The following OLFML2B variants were observed in gnomAD, a reference collection of about 807,000 sequenced individuals.
OLFML2B encodes the protein olfactomedin-like protein 2B.
OLFML2B carries 57 observed loss-of-function variants against 74.9 expected under a neutral mutation model. The ratio of observed to expected loss-of-function variants is 0.76; its 90% CI spans 0.61 to 0.95. The LOEUF is 0.95. Among genes scored for constraint, OLFML2B ranks in the 40% least tolerant of loss-of-function variants. The pLI is 0.00. For synonymous variants in OLFML2B, 388 were observed against 405.8 expected (o/e 0.96, Z 0.53); for missense variants, 986 against 970.6 (o/e 1.02, Z -0.21).
rs759517778 is a variant in OLFML2B at position 162,023,336 on chromosome 1, G to A, written c.95C>T (p.Pro32Leu). Residue 32 changes from proline to leucine, a missense_variant, in exon 1 of 8, where the codon CCA becomes CTA. Transcript: ENST00000294794. ...SIVLTGTSEP[P>L]DAQTVAPAED... ...CGCAGGCGCCACTGTCTGCGCATCT[G>A]GGGGCTCGCTTGTCCCTGTGAGGAC... The A allele has an allele frequency of 8.1e-6, 13 of 1,607,128 alleles. No individual in the cohort carries two copies. Among genetic ancestry groups the A allele is most frequent in the South Asian group, 6.6e-5 (6 of 90,510 alleles).
chr1:162,020,291 TC>T (rs1690665995), intron 1 of OLFML2B, 109 bp from the exon 2 acceptor site: 1 of 1,320,132 alleles, frequency 7.6e-7, no homozygotes, highest in East Asian at 2.4e-5. Flanking sequence ...GTCAGAGACC[TC>T]AGAAAACTCT....
chr1:161,983,991 A>G lies in OLFML2B; in HGVS notation c.1937T>C (p.Ile646Thr). ...CGCGGCATTGAGCTTGCTCAGGACA[A>G]TGACCTCCTGGCTGAAGCCCTCATC... ...LDDEGFSQEV[I>T]VLSKLNAADL... The change falls in exon 8 of 8, where the codon ATT becomes ACT. Residue 646 changes from isoleucine to threonine, a missense_variant. Ile to Thr is a moderately conservative substitution (Grantham distance 89). Transcript: ENST00000294794. The G allele has an allele frequency of 1.2e-6, 2 of 1,614,200 alleles. No homozygotes were observed. Among genetic ancestry groups the G allele is most frequent in the Non-Finnish European group, 8.5e-7 (1 of 1,180,038 alleles).
At chr1:161,996,776 C>G (rs1571291356) in intron 6 of OLFML2B, among the ~76,000 whole-genome samples, 1 of 152,200 alleles carries the variant, frequency 6.6e-6, no homozygotes, top group Admixed American at 6.5e-5. Context: ...CTCCCAGGCA[C>G]AGAATAGGGC....
intron 1 of OLFML2B, among the ~76,000 whole-genome samples, chr1:162,021,764 G>T (rs1690708919): frequency 6.6e-6 from 1 of 152,142 alleles, no homozygotes; most frequent in Admixed American, 6.5e-5. Flanking sequence ...ACTCTGCCTG[G>T]ATTCCTACAT....
intron 3 of OLFML2B, among the ~76,000 whole-genome samples, chr1:162,014,118 G>A (rs76673384): frequency 0.022 from 3,332 of 152,150 alleles, 121 homozygotes; most frequent in African/African-American, 0.075. Context: ...GGCCTTTTGG[G>A]GTATTAAAAT....
chr1:162,019,852 C>T, intron 2 of OLFML2B, 67 bp downstream of exon 2: 1 of 1,566,770 alleles, frequency 6.4e-7, no homozygotes. Context: ...TCAACCATGG[C>T]CTTACCAGAC....
Position 161,998,178 on chromosome 1 carries a change from G to A in OLFML2B, c.1121C>T (p.Ala374Val). The A allele has an allele frequency of 1.2e-6, 2 of 1,614,096 alleles. No individual in the cohort carries two copies. Among genetic ancestry groups the A allele is most frequent in the Non-Finnish European group, 1.7e-6 (2 of 1,180,032 alleles). The change falls in exon 6 of 8, where the codon GCA (alanine) becomes GTA (valine). Residue 374 changes from alanine to valine, a missense_variant. By Grantham distance (64) the Ala-to-Val change is moderately conservative. Coordinates refer to ENST00000294794, the MANE Select transcript of OLFML2B (RefSeq NM_015441.3). ...LNARTAPWSS[A>V]LPQPSTSDPS... ...ATCTGAGGTCGAGGGCTGTGGCAGT[G>A]CTGAGGACCAGGGTGCGGTCCGAGC...
chr1:162,005,471 C>A (rs1026945922), intron 4 of OLFML2B, among the ~76,000 whole-genome samples: 1 of 152,154 alleles, frequency 6.6e-6, no homozygotes, highest in African/African-American at 2.4e-5. Context: ...AGAGCTGTGA[C>A]GACAGCCACA....
rs989578892 is a variant in OLFML2B, at chr1:162,003,681, A to G, written c.723+2616T>C. ...ACCCTGCTCTCTCCACTCCCAACCC[A>G]GCCCCCAGAGCCCCATGCCAACCCC... On this transcript the variant is annotated intron_variant, in intron 4 of 7. Coordinates refer to ENST00000294794, the MANE Select transcript of OLFML2B (RefSeq NM_015441.3). Among the ~76,000 whole-genome samples the G allele has an allele frequency of 3.3e-5, 5 of 151,976 alleles. 1 individual carries two copies. Among genetic ancestry groups the G allele is most frequent in the Non-Finnish European group, 7.4e-5 (5 of 67,988 alleles).
intron 1 of OLFML2B, among the ~76,000 whole-genome samples, chr1:162,021,045 G>C (rs376660357): frequency 6.6e-6 from 1 of 152,254 alleles, no homozygotes; most frequent in African/African-American, 2.4e-5. Context: ...ACAGAGTACA[G>C]AGTGATAAGT....
At chr1:161,988,829 T>A (rs1379766380) in intron 6 of OLFML2B, among the ~76,000 whole-genome samples, 1 of 152,108 alleles carries the variant, frequency 6.6e-6, no homozygotes, top group African/African-American at 2.4e-5. Flanking sequence ...GGCACTTTCT[T>A]TCTGGATGTC....
At chr1:162,021,379 G>A (rs1690699742) in intron 1 of OLFML2B, among the ~76,000 whole-genome samples, 1 of 152,214 alleles carries the variant, frequency 6.6e-6, no homozygotes, top group African/African-American at 2.4e-5. Context: ...GCGACAGTAG[G>A]CTTTCTGGAG....
chr1:162,010,092 A>G (rs546987222), intron 3 of OLFML2B, among the ~76,000 whole-genome samples: 37 of 152,342 alleles, frequency 2.4e-4, no homozygotes, highest in African/African-American at 8.4e-4. Context: ...GGCCCCTGCC[A>G]AGGATCCTGG....
At chr1:161,988,810 T>C (rs1689658261) in intron 6 of OLFML2B, among the ~76,000 whole-genome samples, 1 of 152,110 alleles carries the variant, frequency 6.6e-6, no homozygotes, top group Admixed American at 6.5e-5. Flanking sequence ...TCCATCCAAC[T>C]ACCTACAAGG....
chr1:162,017,797 G>C (rs1015739792), intron 2 of OLFML2B, among the ~76,000 whole-genome samples: 1 of 152,162 alleles, frequency 6.6e-6, no homozygotes, highest in African/African-American at 2.4e-5. Context: ...TATGAAATCT[G>C]TCAGTTGCAT....
At chr1:162,014,608 G>A (rs527556500) in intron 3 of OLFML2B, among the ~76,000 whole-genome samples, 1 of 152,308 alleles carries the variant, frequency 6.6e-6, no homozygotes, top group South Asian at 2.1e-4. Context: ...AGCTGGAGAG[G>A]GAGTGTTTTT....
rs1460566719 is a variant in OLFML2B at position 162,022,260 on chromosome 1, T to TTTTTTTTTTTTTTTTTTTTTTTTTTC, written c.174+996_174+997insGAAAAAAAAAAAAAAAAAAAAAAAAA. 4.7e-4 allele frequency among the ~76,000 whole-genome samples: 60 copies of TTTTTTTTTTTTTTTTTTTTTTTTTTC among 127,834 alleles called. 1 individual carries two copies. Among genetic ancestry groups the TTTTTTTTTTTTTTTTTTTTTTTTTTC allele is most frequent in the African/African-American group, 7.7e-4 (24 of 31,346 alleles). The allele number at this position is 127,834 out of a possible 152,430, so 83.9% of individuals were successfully genotyped here. A position where few individuals can be genotyped will look rare whatever the true frequency, so the allele number is the denominator to read the frequency against. On this transcript the variant is annotated intron_variant, in intron 1 of 7. Coordinates refer to ENST00000294794, the MANE Select transcript of OLFML2B (RefSeq NM_015441.3). ...GTATCTCTTCTTTTTTTTTTTTTTT[T>TTTTTTTTTTTTTTTTTTTTTTTTTTC]TTTTTTTTGAGACGGAGTCTCACTC...
intron 3 of OLFML2B, among the ~76,000 whole-genome samples, chr1:162,016,406 C>G (rs1690537038): frequency 6.6e-6 from 1 of 152,212 alleles, no homozygotes; most frequent in South Asian, 2.1e-4. Context: ...GCTACATCTA[C>G]TAATCATAGA....
chr1:161,984,130 T>C lies in OLFML2B; in HGVS notation c.1798A>G (p.Met600Val), dbSNP rs1689517297. The part of the protein sequence containing the change: ...LKQRYVAAWA[M>V]LHDVAYEEAT... The stretch of plus-strand genomic sequence containing the variant: ...TCCTCGTAGGCCACGTCATGCAGCA[T>C]GGCCCAGGCAGCCACGTAGCGCTGC... Residue 600 changes from methionine to valine, a missense_variant, in exon 8 of 8, where the codon ATG becomes GTG. By Grantham distance (21) the Met-to-Val change is conservative (BLOSUM62 1). Transcript: ENST00000294794. The C allele has an allele frequency of 6.2e-7, 1 of 1,611,372 alleles. No individual in the cohort carries two copies. The highest frequency in any genetic ancestry group is 8.5e-7 in the Non-Finnish European group (1 of 1,178,450).
Sources: gnomAD v4.1 joint callset for allele counts (sites outside exome capture counted in the v4.1 genomes callset) on GRCh38, gnomAD v4.1.1 for gene constraint, MANE v1.5 for transcripts, NCBI Gene and HGNC (gene_info 2026-07-23, HGNC 2026-07-21) for gene names.